The following MRTFA variants were observed in gnomAD, a reference collection of about 807,000 sequenced individuals.
MRTFA encodes myocardin related transcription factor A.
A neutral mutation model predicts 83.5 loss-of-function variants in MRTFA; 20 were observed. The ratio of observed to expected loss-of-function variants is 0.24; its 90% confidence interval spans 0.17 to 0.35. The LOEUF (loss-of-function observed/expected upper bound fraction) is 0.35. Among genes scored for constraint, MRTFA ranks in the 10% least tolerant of loss-of-function variants. The probability of loss-of-function intolerance (pLI) is 1.00; values close to 1 mark genes in which losing one functional copy is unlikely to be tolerated. For missense variants in MRTFA, 1,200 were observed against 1,224.7 expected (o/e 0.98, Z 0.30); for synonymous variants, 659 against 541.2 (o/e 1.22, Z -3.02).
chr22:40,515,427 C>T (rs961804081), intron 3 of MRTFA, among the ~76,000 whole-genome samples: 4 of 151,986 alleles, frequency 2.6e-5, no homozygotes, highest in African/African-American at 9.7e-5. Flanking sequence ...GGTGTGGTGG[C>T]TCATGCCTGT....
chr22:40,458,177 C>T (rs2147142690), intron 4 of MRTFA, among the ~76,000 whole-genome samples: 1 of 152,182 alleles, frequency 6.6e-6, no homozygotes, highest in Admixed American at 6.5e-5. Context: ...AAGATATGTG[C>T]GAGACATCAT....
intron 1 of MRTFA, among the ~76,000 whole-genome samples, chr22:40,613,916 T>A (rs1003726758): frequency 4.5e-4 from 67 of 150,108 alleles, no homozygotes; most frequent in African/African-American, 1.6e-3. Context: ...AATAAAAAAA[T>A]AAGCCGGGCG....
At chr22:40,415,859 C>T (rs538693863) in intron 14 of MRTFA, among the ~76,000 whole-genome samples, 6 of 152,152 alleles carry the variant, frequency 3.9e-5, no homozygotes, top group East Asian at 1.9e-4. Context: ...CCCTTGGTCA[C>T]GGCTGGATTC....
chr22:40,506,837 G>T (rs940574663), intron 3 of MRTFA, among the ~76,000 whole-genome samples: 1 of 152,134 alleles, frequency 6.6e-6, no homozygotes, highest in African/African-American at 2.4e-5. Flanking sequence ...ACAGCTAACC[G>T]AGTGTACTAG....
At chr22:40,575,528 G>T (rs1178278721) in intron 2 of MRTFA, among the ~76,000 whole-genome samples, 1 of 152,090 alleles carries the variant, frequency 6.6e-6, no homozygotes, top group African/African-American at 2.4e-5. Flanking sequence ...AAGTGAAATG[G>T]TATATGTTAA....
intron 3 of MRTFA, among the ~76,000 whole-genome samples, chr22:40,518,580 T>G (rs1384575789): frequency 6.6e-6 from 1 of 151,724 alleles, no homozygotes; most frequent in East Asian, 1.9e-4. Flanking sequence ...GATCACAAAG[T>G]CAGAAGATCG....
chr22:40,447,377 A>AG (rs1266735570), intron 4 of MRTFA, among the ~76,000 whole-genome samples: 3 of 151,826 alleles, frequency 2.0e-5, no homozygotes, highest in Non-Finnish European at 4.4e-5. Context: ...AGAAAAAAAA[A>AG]GTGACATTGG....
At position 40,548,358 on chromosome 22, in the gene MRTFA, C is replaced by CAAAAAAAAAA. The variant is rs10664022; in HGVS notation, c.241+3738_241+3747dup. Among the ~76,000 whole-genome samples the CAAAAAAAAAA allele has an allele frequency of 4.5e-5, 3 of 66,150 alleles. 1 individual carries two copies. The highest frequency in any genetic ancestry group is 7.9e-5 in the Non-Finnish European group (3 of 38,080). The allele number at this position is 66,150 out of a possible 152,430, so 43.4% of individuals were successfully genotyped here. A position where few individuals can be genotyped will look rare whatever the true frequency, so the allele number is the denominator to read the frequency against. ...TGGGTGACAGAGCAAGACTCCGTCTCAAAAAAAAAAAAAAAAAAAAAATTG... is the reference window on the plus strand; with the variant it reads ...TGGGTGACAGAGCAAGACTCCGTCTCAAAAAAAAAAAAAAAAAAAAAAAAAAAAAAAATTG... On this transcript the variant is annotated intron_variant, in intron 3 of 14. Transcript: ENST00000355630.
chr22:40,545,033 G>T (rs2055342176), intron 3 of MRTFA, among the ~76,000 whole-genome samples: 1 of 150,876 alleles, frequency 6.6e-6, no homozygotes, highest in South Asian at 2.1e-4. Context: ...AAAATCATTG[G>T]TATATATATA....
chr22:40,495,959 G>A (rs111228505), intron 3 of MRTFA, among the ~76,000 whole-genome samples: 54 of 151,744 alleles, frequency 3.6e-4, no homozygotes, highest in African/African-American at 1.2e-3. Context: ...CCAGCTACTC[G>A]GGAGGCTGAG....
In MRTFA at chr22:40,527,268, C is replaced by T. The variant is rs6001955; in HGVS notation, c.241+24838G>A. Among the ~76,000 whole-genome samples, 1,147 of 152,160 alleles carry T rather than the reference C, an allele frequency of 7.5e-3. 25 individuals are homozygous for T. The highest frequency in any genetic ancestry group is 0.075 in the Middle Eastern group (22 of 294). Reference sequence around the variant, plus strand: ...AGGCCCTCTATACTCACCATACTGCCACCATCAGCCATTTATGCGACTTTG... The same window carrying T: ...AGGCCCTCTATACTCACCATACTGCTACCATCAGCCATTTATGCGACTTTG... On this transcript the variant is annotated intron_variant, in intron 3 of 14. Coordinates refer to ENST00000355630, the MANE Select transcript of MRTFA (RefSeq NM_020831.6).
intron 1 of MRTFA, among the ~76,000 whole-genome samples, chr22:40,629,803 A>C (rs904986616): frequency 2.7e-5 from 4 of 148,834 alleles, no homozygotes; most frequent in Non-Finnish European, 5.9e-5. Flanking sequence ...AAAAAAAATT[A>C]GCCAAGCATG....
chr22:40,554,212 T>C (rs1443345747), intron 2 of MRTFA, among the ~76,000 whole-genome samples: 1 of 152,240 alleles, frequency 6.6e-6, no homozygotes, highest in African/African-American at 2.4e-5. Context: ...GGGTTAATAC[T>C]GGAATGATCT....
intron 2 of MRTFA, among the ~76,000 whole-genome samples, chr22:40,573,862 G>C (rs2055832214): frequency 6.6e-6 from 1 of 152,158 alleles, no homozygotes; most frequent in African/African-American, 2.4e-5. Context: ...CTTGAAGCCA[G>C]GAGTTTGAGA....
chr22:40,625,732 T>A lies in MRTFA; in HGVS notation c.-84+10746A>T, dbSNP rs140350878. Among the ~76,000 whole-genome samples the A allele has an allele frequency of 2.0e-5, 3 of 152,198 alleles. No individual in the cohort carries two copies. In the East Asian group the frequency reaches 5.8e-4, roughly 29 times the overall value. On this transcript the variant is annotated intron_variant, in intron 1 of 14. Transcript: ENST00000355630. Reference sequence around the variant, plus strand: ...AGGCAGAGATTGCAGTGAGCCAAGATTGTGCCACTACACTCCAGCCTGGGC... The same window carrying A: ...AGGCAGAGATTGCAGTGAGCCAAGAATGTGCCACTACACTCCAGCCTGGGC...
intron 3 of MRTFA, among the ~76,000 whole-genome samples, chr22:40,502,069 CG>C (rs2054493485): frequency 7.4e-6 from 1 of 134,244 alleles, no homozygotes; most frequent in Non-Finnish European, 1.6e-5. Context: ...GGTGGCTGGC[CG>C]GGCTGAGGGG....
intron 3 of MRTFA, among the ~76,000 whole-genome samples, chr22:40,491,044 T>G (rs979517103): frequency 6.6e-6 from 1 of 152,176 alleles, no homozygotes; most frequent in African/African-American, 2.4e-5. Flanking sequence ...TTTCCTGCAG[T>G]ATAAGACTAT....
At chr22:40,502,060 G>GTGGCTGGCCGGGC (rs1569300136) in intron 3 of MRTFA, among the ~76,000 whole-genome samples, 1 of 139,750 alleles carries the variant, frequency 7.2e-6, no homozygotes, top group African/African-American at 2.7e-5. Flanking sequence ...CCCGGACGGG[G>GTGGCTGGCCGGGC]TGGCTGGCCG....
chr22:40,495,628 G>A (rs987625901), intron 3 of MRTFA, among the ~76,000 whole-genome samples: 14 of 150,012 alleles, frequency 9.3e-5, no homozygotes, highest in Admixed American at 4.0e-4. Flanking sequence ...GTGTGGTGGC[G>A]GTCGCCTGTA....
Sources: gnomAD v4.1 joint callset for allele counts (sites outside exome capture counted in the v4.1 genomes callset) on GRCh38, gnomAD v4.1.1 for gene constraint, MANE v1.5 for transcripts, NCBI Gene and HGNC (gene_info 2026-07-23, HGNC 2026-07-21) for gene names.